Variants in GPHN observed in about 807,000 individuals in gnomAD.
GPHN encodes the protein gephyrin.
A neutral mutation model predicts 95.5 loss-of-function variants in GPHN; 17 were observed. The observed-to-expected ratio is 0.18, with a 90% CI of 0.12 to 0.27. The LOEUF is 0.27. GPHN is among the 10% of genes least tolerant of loss of function. The probability of loss-of-function intolerance (pLI) is 1.00; values close to 1 mark genes in which losing one functional copy is unlikely to be tolerated. For missense variants in GPHN, 660 were observed against 978.1 expected, an observed-to-expected ratio of 0.67 and a Z score of 4.34; for synonymous variants, 320 against 322.5, an observed-to-expected ratio of 0.99 and a Z score of 0.08.
At chr14:67,315,752 G>A in the GPHN span, among the ~76,000 whole-genome samples, 7 of 152,172 alleles carry the variant, frequency 4.6e-5, no homozygotes, top group African/African-American at 1.4e-4. Context: ...TGGTGAAACC[G>A]AGCCTCTACT....
chr14:66,596,222 G>A (rs2061966111), intron 1 of GPHN, among the ~76,000 whole-genome samples: 1 of 152,066 alleles, frequency 6.6e-6, no homozygotes, highest in Non-Finnish European at 1.5e-5. Context: ...GGGAGGAAGT[G>A]CATGCTGATT....
At chr14:67,528,143 T>G in the GPHN span, among the ~76,000 whole-genome samples, 1 of 152,154 alleles carries the variant, frequency 6.6e-6, no homozygotes, top group Non-Finnish European at 1.5e-5. Context: ...AGACTTTCCT[T>G]TCTCTTGGCT....
intron 5 of GPHN, among the ~76,000 whole-genome samples, chr14:66,895,700 A>G (rs530583170): frequency 6.6e-6 from 1 of 152,266 alleles, no homozygotes; most frequent in Non-Finnish European, 1.5e-5. Context: ...ATGAAATGTC[A>G]TTTTCCTACA....
intron 18 of GPHN, among the ~76,000 whole-genome samples, chr14:67,157,923 C>T (rs185230604): frequency 1.5e-4 from 23 of 151,526 alleles, no homozygotes; most frequent in African/African-American, 4.8e-4. Context: ...AGAATGTAGA[C>T]GGAGAGAAAG....
the GPHN span, among the ~76,000 whole-genome samples, chr14:67,676,232 C>T: frequency 4.6e-5 from 7 of 152,144 alleles, no homozygotes. Flanking sequence ...GGAGAAAATG[C>T]TTTGCTAATT....
At chr14:67,521,682 C>A in the GPHN span, among the ~76,000 whole-genome samples, 12 of 152,232 alleles carry the variant, frequency 7.9e-5, no homozygotes, top group Admixed American at 2.0e-4. Context: ...AGCATTAAGA[C>A]ATTAATGGGT....
chr14:66,892,696 G>A (rs1255060726), intron 5 of GPHN, among the ~76,000 whole-genome samples: 2 of 152,148 alleles, frequency 1.3e-5, no homozygotes, highest in Non-Finnish European at 2.9e-5. Context: ...CCACTTACAT[G>A]AAGTATCTAG....
intron 1 of GPHN, among the ~76,000 whole-genome samples, chr14:66,547,969 A>C (rs921587422): frequency 3.3e-5 from 5 of 152,136 alleles, no homozygotes; most frequent in African/African-American, 1.2e-4. Context: ...GTTTTAGTTC[A>C]CCTCATGGAT....
the GPHN span, among the ~76,000 whole-genome samples, chr14:67,328,179 T>C: frequency 6.6e-6 from 1 of 152,240 alleles, no homozygotes; most frequent in Non-Finnish European, 1.5e-5. Context: ...CCATTCTAAC[T>C]GGTGTGAGAT....
chr14:67,116,078 G>C (rs2078672328), intron 16 of GPHN, among the ~76,000 whole-genome samples: 1 of 152,128 alleles, frequency 6.6e-6, no homozygotes, highest in Non-Finnish European at 1.5e-5. Context: ...GAGATGGGTA[G>C]ATCACTTGAG....
the GPHN span, chr14:67,657,298 C>T: frequency 6.6e-6 from 1 of 152,152 alleles, no homozygotes; most frequent in Non-Finnish European, 1.5e-5. Flanking sequence ...TGTGGTTACC[C>T]TCTTGGTGAG....
At chr14:67,685,765 G>A in the GPHN span, among the ~76,000 whole-genome samples, 48 of 152,090 alleles carry the variant, frequency 3.2e-4, 1 homozygote, top group African/African-American at 1.1e-3. Flanking sequence ...ACAGGGGTGC[G>A]CCACCACACC....
chr14:66,545,167 GC>G (rs1307583712), intron 1 of GPHN, among the ~76,000 whole-genome samples: 3 of 147,284 alleles, frequency 2.0e-5, no homozygotes, highest in Non-Finnish European at 4.5e-5. Flanking sequence ...GGGCAGAGGC[GC>G]CCCCCACCTC....
the GPHN span, among the ~76,000 whole-genome samples, chr14:67,276,307 A>G: frequency 1.1e-3 from 172 of 152,098 alleles, 1 homozygote; most frequent in African/African-American, 3.5e-3. Flanking sequence ...ATTGTATTCT[A>G]TTCTGTTTTC....
At chr14:67,208,945 A>G in the GPHN span, among the ~76,000 whole-genome samples, 1 of 152,032 alleles carries the variant, frequency 6.6e-6, no homozygotes, top group Non-Finnish European at 1.5e-5. Context: ...AAAAAGCAAA[A>G]TTCTAGGAAA....
the GPHN span, among the ~76,000 whole-genome samples, chr14:67,548,898 T>C: frequency 6.6e-6 from 1 of 152,182 alleles, no homozygotes; most frequent in African/African-American, 2.4e-5. Context: ...AAATTTGTAG[T>C]TCAGAAATTT....
At chr14:67,101,908 G>T (rs1477819114) in intron 13 of GPHN, among the ~76,000 whole-genome samples, 2 of 151,160 alleles carry the variant, frequency 1.3e-5, no homozygotes, top group Admixed American at 1.3e-4. Context: ...GTCTTGCTCT[G>T]TTGCCCAGGC....
rs896755248 is a variant in GPHN at position 66,530,125 on chromosome 14, T to C, written c.64+21534T>C. On this transcript the variant is annotated intron_variant, in intron 1 of 22. Transcript: ENST00000478722. ...AAGCCCCTGACTGGGGCTCCCACCT[T>C]TTTTTCAGAGATGCCCTGCCCAGAG... Among the ~76,000 whole-genome samples the C allele has an allele frequency of 2.0e-5, 3 of 152,114 alleles. No homozygotes were observed. The South Asian group carries it at 6.2e-4, about 32-fold the overall frequency.
intron 15 of GPHN, 89 bp downstream of exon 15, chr14:67,112,008 C>G (rs573853197): frequency 1.2e-4 from 120 of 992,664 alleles, no homozygotes; most frequent in Non-Finnish European, 1.8e-4. Context: ...AAATCTGCAG[C>G]CATGTCAGTT....
Sources: allele counts gnomAD v4.1 joint callset (sites outside exome capture counted in the v4.1 genomes callset), GRCh38; gene constraint gnomAD v4.1.1; transcripts MANE v1.5; gene names NCBI Gene and HGNC (gene_info 2026-07-23, HGNC 2026-07-21).